Variants in ELL2 observed in about 807,000 individuals in gnomAD.
ELL2 encodes RNA polymerase II elongation factor ELL2.
In ELL2, 21 loss-of-function variants were observed where a neutral mutation model predicts 72.8. That is an observed-to-expected ratio of 0.29 (90% CI 0.20 to 0.42). The LOEUF is 0.42. ELL2 is among the 10% of genes least tolerant of loss of function. The probability of loss-of-function intolerance (pLI) is 1.00; values close to 1 mark genes in which losing one functional copy is unlikely to be tolerated. For missense variants in ELL2, 568 were observed against 772.8 expected (o/e 0.73, Z 3.14); for synonymous variants, 266 against 283.2 (o/e 0.94, Z 0.61).
chr5:95,953,169 T>C (rs977805242), intron 1 of ELL2, among the ~76,000 whole-genome samples: 1 of 152,234 alleles, frequency 6.6e-6, no homozygotes, highest in African/African-American at 2.4e-5. Flanking sequence ...CACATTTGCC[T>C]GCTTCTACTA....
intron 9 of ELL2, among the ~76,000 whole-genome samples, chr5:95,894,154 C>T (rs1343085768): frequency 6.6e-6 from 1 of 152,168 alleles, no homozygotes; most frequent in African/African-American, 2.4e-5. Context: ...TGGGAGGCTC[C>T]GCTTGAACCC....
chr5:95,950,108 T>C (rs1377925425), intron 1 of ELL2, among the ~76,000 whole-genome samples: 1 of 152,232 alleles, frequency 6.6e-6, no homozygotes, highest in Non-Finnish European at 1.5e-5. Context: ...AATCACTTTT[T>C]TGGTTTTGCA....
At chr5:95,936,143 T>G (rs1352043451) in intron 2 of ELL2, among the ~76,000 whole-genome samples, 1 of 152,228 alleles carries the variant, frequency 6.6e-6, no homozygotes. Context: ...TGTGTGAATG[T>G]CTACATCTAT....
intron 2 of ELL2, among the ~76,000 whole-genome samples, chr5:95,941,951 A>C (rs1332926162): frequency 6.6e-6 from 1 of 152,252 alleles, no homozygotes; most frequent in East Asian, 1.9e-4. Flanking sequence ...ATGAACACTT[A>C]GTCACTGAAG....
chr5:95,924,196 C>T (rs1327974084), intron 2 of ELL2, among the ~76,000 whole-genome samples: 1 of 152,180 alleles, frequency 6.6e-6, no homozygotes, highest in Non-Finnish European at 1.5e-5. Flanking sequence ...CGTCAGTCCC[C>T]TCTGATATGC....
At position 95,888,995 on chromosome 5, in the gene ELL2, T is replaced by TG; in HGVS notation, c.1807-9dup. On this transcript the variant is annotated splice_polypyrimidine_tract_variant and intron_variant, in intron 11 of 11. Coordinates refer to ENST00000237853, the MANE Select transcript of ELL2 (RefSeq NM_012081.6). Reference sequence around the variant, plus strand: ...ATGGTAATTGGGACTAGACTGCAGATGAAAAAAAAAAAAAAAAAAGAGGAA... The same window carrying TG: ...ATGGTAATTGGGACTAGACTGCAGATGGAAAAAAAAAAAAAAAAAAGAGGAA... The TG allele has an allele frequency of 1.3e-5, 16 of 1,256,054 alleles. No individual in the cohort carries two copies. The highest frequency in any genetic ancestry group is 1.7e-5 in the Non-Finnish European group (16 of 927,404). The allele number at this position is 1,256,054 out of a possible 1,614,324, so 77.8% of individuals were successfully genotyped here.
At chr5:95,924,432 G>T (rs1360287022) in intron 2 of ELL2, among the ~76,000 whole-genome samples, 1 of 152,086 alleles carries the variant, frequency 6.6e-6, no homozygotes, top group Non-Finnish European at 1.5e-5. Context: ...CCATTCCTTT[G>T]TGAGATAGAA....
chr5:95,935,743 C>T (rs1323511464), intron 2 of ELL2, among the ~76,000 whole-genome samples: 4 of 152,294 alleles, frequency 2.6e-5, no homozygotes, highest in South Asian at 4.1e-4. Flanking sequence ...CTGCTCTTTT[C>T]GTCTATTTCA....
chr5:95,890,359 C>T (rs1457161755), intron 10 of ELL2, among the ~76,000 whole-genome samples: 1 of 152,168 alleles, frequency 6.6e-6, no homozygotes, highest in Non-Finnish European at 1.5e-5. Context: ...CACGTAGGCT[C>T]CAGCCTGAAC....
At chr5:95,946,400 G>A (rs991785283) in intron 1 of ELL2, among the ~76,000 whole-genome samples, 2 of 152,090 alleles carry the variant, frequency 1.3e-5, no homozygotes, top group African/African-American at 4.8e-5. Flanking sequence ...TGGCCACTCT[G>A]CCCCAAACTC....
rs1748965193 is a variant in ELL2 at position 95,898,423 on chromosome 5, G to A, written c.1342C>T (p.Pro448Ser). ...GAATGGTTTTCTTCCATAGGCTTTG[G>A]ACACTTTAGTAGAACGGAACCAGGG... is the stretch of plus-strand genomic sequence containing the variant. ...LPPGSVLLKC[P>S]KPMEENHSMS... is the part of the protein sequence containing the mutation. The change falls in exon 8 of 12, where the codon CCA becomes TCA. Residue 448 changes from proline (P) to serine (S), a missense_variant. By Grantham distance (74) the Pro-to-Ser change is moderately conservative. This residue lies in a region of ELL2 where 511 missense variants were observed against 728.4 expected (regional missense o/e 0.70). Coordinates refer to ENST00000237853, the MANE Select transcript of ELL2 (RefSeq NM_012081.6). 2 of 1,613,396 alleles carry A rather than the reference G, an allele frequency of 1.2e-6. No individual in the cohort carries two copies. The highest frequency in any genetic ancestry group is 1.3e-5 in the African/African-American group (1 of 74,986).
intron 2 of ELL2, among the ~76,000 whole-genome samples, chr5:95,925,996 A>C (rs541987350): frequency 5.9e-5 from 9 of 152,198 alleles, no homozygotes; most frequent in Non-Finnish European, 1.3e-4. Flanking sequence ...AAAATCTAGA[A>C]AATATACTTT....
Position 95,886,408 on chromosome 5 carries a change from A to G in ELL2, c.*2463T>C, listed in dbSNP as rs1182034897. On this transcript the variant is annotated 3_prime_UTR_variant, in exon 12 of 12. Coordinates refer to ENST00000237853, the MANE Select transcript of ELL2 (RefSeq NM_012081.6). The stretch of plus-strand genomic sequence containing the variant: ...CATCTAAATTAAGGCTTTTACTGGT[A>G]TGTGATCAGGTCTAAGGGTATGCAA... 6.6e-6 allele frequency: 1 copy of G among 152,220 alleles called. No individual in the cohort carries two copies. The highest frequency in any genetic ancestry group is 6.5e-5 in the Admixed American group (1 of 15,274). The allele number at this position is 152,220 out of a possible 1,614,324, so 9.4% of individuals were successfully genotyped here. A position where few individuals can be genotyped will look rare whatever the true frequency, so the allele number is the denominator to read the frequency against.
chr5:95,943,266 T>TA (rs201799289), intron 1 of ELL2, among the ~76,000 whole-genome samples: 39,271 of 141,274 alleles, frequency 0.28, 6,100 homozygotes, highest in African/African-American at 0.45. Context: ...CATCTCTATT[T>TA]AAAAAAAAAA....
intron 1 of ELL2, among the ~76,000 whole-genome samples, chr5:95,958,556 A>G (rs1751701562): frequency 6.6e-6 from 1 of 152,166 alleles, no homozygotes; most frequent in Non-Finnish European, 1.5e-5. Flanking sequence ...TTTCACTCCA[A>G]TTCCTGCTTG....
At chr5:95,900,043 T>G (rs1024255900) in intron 7 of ELL2, among the ~76,000 whole-genome samples, 1 of 151,108 alleles carries the variant, frequency 6.6e-6, no homozygotes, top group African/African-American at 2.4e-5. Flanking sequence ...GGTGGGGAGG[T>G]GCGTCCCACT....
intron 5 of ELL2, among the ~76,000 whole-genome samples, chr5:95,904,530 G>T (rs939182549): frequency 6.6e-6 from 1 of 152,176 alleles, no homozygotes; most frequent in African/African-American, 2.4e-5. Flanking sequence ...CAACATCTTA[G>T]TTTATTTTAA....
intron 1 of ELL2, among the ~76,000 whole-genome samples, chr5:95,961,144 G>C (rs1751831127): frequency 6.6e-6 from 1 of 152,024 alleles, no homozygotes; most frequent in Non-Finnish European, 1.5e-5. Context: ...TGGAAAACGC[G>C]GGCAGCTGGT....
At chr5:95,897,203 A>G (rs1748909795) in intron 8 of ELL2, among the ~76,000 whole-genome samples, 1 of 152,262 alleles carries the variant, frequency 6.6e-6, no homozygotes, top group Non-Finnish European at 1.5e-5. Context: ...CTTCTCTCAT[A>G]TGGCAAAGAT....
Sources: allele counts gnomAD v4.1 joint callset (sites outside exome capture counted in the v4.1 genomes callset), GRCh38; gene constraint gnomAD v4.1.1; regional missense constraint gnomAD v4.1.1; transcripts MANE v1.5; gene names NCBI Gene and HGNC (gene_info 2026-07-23, HGNC 2026-07-21).